GRIA2: variants seen among roughly 807,000 people sequenced by gnomAD.
The protein encoded by GRIA2 is glutamate receptor 2.
Under a neutral mutation model 97.3 loss-of-function variants are expected in GRIA2, and 14 were observed. The observed-to-expected ratio is 0.14, with a 90% CI of 0.10 to 0.23. The LOEUF (loss-of-function observed/expected upper bound fraction) is 0.23, where lower values mean the gene tolerates loss of function less well. Ranked by LOEUF, GRIA2 falls within the 10% of genes least tolerant of loss-of-function variation. The pLI, the probability that GRIA2 is intolerant of heterozygous loss-of-function variation, is 1.00. For missense variants in GRIA2, 558 were observed against 1,069.8 expected, an observed-to-expected ratio of 0.52 and a Z score of 6.67; for synonymous variants, 412 against 387.8, an observed-to-expected ratio of 1.06 and a Z score of -0.73.
chr4:157,359,835 T>C (rs1736557260), intron 12 of GRIA2, 61 bp from the exon 13 acceptor site: 1 of 1,484,620 alleles, frequency 6.7e-7, no homozygotes, highest in African/African-American at 1.4e-5. Context: ...CTTTTTGTGT[T>C]TTGTGAGTAA....
rs547279889 is a variant in GRIA2 at position 157,323,315 on chromosome 4, A to C, written c.882+1716A>C. On this transcript the variant is annotated intron_variant, in intron 6 of 15. Coordinates refer to ENST00000264426, the MANE Select transcript of GRIA2 (RefSeq NM_001083619.3). ...GCGCCACTGCACACTCCAGCCTGGGAGACAGAGCGAGACTCTGTCTCAAAA... is the reference window on the plus strand; with the variant it reads ...GCGCCACTGCACACTCCAGCCTGGGCGACAGAGCGAGACTCTGTCTCAAAA... Among the ~76,000 whole-genome samples the C allele has an allele frequency of 3.3e-5, 4 of 122,680 alleles. No individual in the cohort carries two copies. The South Asian group carries it at 9.6e-4, about 29-fold the overall frequency. 80.5% of individuals were successfully genotyped at this position (122,680 alleles called of 152,430 possible). A position where few individuals can be genotyped will look rare whatever the true frequency, so the allele number is the denominator to read the frequency against.
intron 13 of GRIA2, chr4:157,360,640 T>G: frequency 4.4e-6 from 2 of 459,176 alleles, no homozygotes; most frequent in South Asian, 3.3e-5. Flanking sequence ...TTTGAATTTC[T>G]TTGCACACAT....
At chr4:157,300,394 G>A (rs1049691014) in intron 2 of GRIA2, among the ~76,000 whole-genome samples, 1 of 151,996 alleles carries the variant, frequency 6.6e-6, no homozygotes, top group Non-Finnish European at 1.5e-5. Context: ...TACCACAAAC[G>A]GGGCAAGCAA....
At position 157,363,460 on chromosome 4, in the gene GRIA2, A is replaced by G. The variant is rs1038717849; in HGVS notation, c.*29A>G. 14 of 1,242,976 alleles carry G rather than the reference A, an allele frequency of 1.1e-5. No homozygotes were observed. The Admixed American group carries it at 3.9e-4, about 35-fold the overall frequency. The allele number at this position is 1,242,976 out of a possible 1,614,324, so 77.0% of individuals were successfully genotyped here. A position where few individuals can be genotyped will look rare whatever the true frequency, so the allele number is the denominator to read the frequency against. On this transcript the variant is annotated 3_prime_UTR_variant, in exon 16 of 16. Transcript: ENST00000264426. ...ATGACCTTGAATGATGCCATGAGGA[A>G]CAAGGCAAGGCTGTCAATTACAGGA... is the stretch of plus-strand genomic sequence containing the variant.
intron 5 of GRIA2, 149 bp from the exon 6 acceptor site, chr4:157,321,289 T>C (rs1734553392): frequency 1.7e-6 from 1 of 593,704 alleles, no homozygotes; most frequent in East Asian, 2.9e-5. Context: ...CACTGGCTGA[T>C]AAATACATGG....
intron 2 of GRIA2, among the ~76,000 whole-genome samples, chr4:157,292,680 A>G (rs1211810662): frequency 6.6e-6 from 1 of 152,126 alleles, no homozygotes; most frequent in East Asian, 1.9e-4. Flanking sequence ...CTAGGAATAG[A>G]TGATTAATAG....
intron 2 of GRIA2, among the ~76,000 whole-genome samples, chr4:157,280,838 A>G (rs1732559685): frequency 6.6e-6 from 1 of 151,970 alleles, no homozygotes; most frequent in South Asian, 2.1e-4. Flanking sequence ...AAATAACAGG[A>G]GTCATGATTT....
At chr4:157,315,852 A>G (rs956595656) in intron 4 of GRIA2, among the ~76,000 whole-genome samples, 1 of 152,148 alleles carries the variant, frequency 6.6e-6, no homozygotes, top group Non-Finnish European at 1.5e-5. Flanking sequence ...CATTTTATAA[A>G]ACTTTGACAG....
intron 2 of GRIA2, among the ~76,000 whole-genome samples, chr4:157,241,344 T>C (rs1730502146): frequency 6.6e-6 from 1 of 152,140 alleles, no homozygotes; most frequent in East Asian, 1.9e-4. Context: ...TTCAGGATTT[T>C]ATCATTAGTC....
rs1194131753 is a variant in GRIA2 at position 157,363,464 on chromosome 4, G to A, written c.*33G>A. On this transcript the variant is annotated 3_prime_UTR_variant, in exon 16 of 16. Coordinates refer to ENST00000264426, the MANE Select transcript of GRIA2 (RefSeq NM_001083619.3). ...CCTTGAATGATGCCATGAGGAACAA[G>A]GCAAGGCTGTCAATTACAGGAAGTA... 10 of 1,241,248 alleles carry A rather than the reference G, an allele frequency of 8.1e-6. No individual in the cohort carries two copies. The highest frequency in any genetic ancestry group is 7.9e-5 in the Admixed American group (2 of 25,334). The allele number at this position is 1,241,248 out of a possible 1,614,324, so 76.9% of individuals were successfully genotyped here.
intron 2 of GRIA2, among the ~76,000 whole-genome samples, chr4:157,273,601 A>T (rs1732137195): frequency 6.6e-6 from 1 of 152,096 alleles, no homozygotes; most frequent in South Asian, 2.1e-4. Flanking sequence ...AATACCTTGA[A>T]AGGCTTGTTA....
intron 2 of GRIA2, among the ~76,000 whole-genome samples, chr4:157,266,172 G>A (rs1731759313): frequency 6.6e-6 from 1 of 152,188 alleles, no homozygotes; most frequent in Non-Finnish European, 1.5e-5. Context: ...AACTTAAGAG[G>A]CTCATAAAAC....
chr4:157,307,834 G>C (rs1733909012), intron 3 of GRIA2, among the ~76,000 whole-genome samples: 2 of 152,192 alleles, frequency 1.3e-5, no homozygotes, highest in South Asian at 4.1e-4. Flanking sequence ...TTTGCCTGCA[G>C]TTCCAAGAAA....
chr4:157,363,262 C>T, intron 15 of GRIA2, 173 bp from the exon 16 acceptor site: 1 of 606,708 alleles, frequency 1.6e-6, no homozygotes, highest in Non-Finnish European at 2.7e-6. Flanking sequence ...CAGATTCCTG[C>T]CATAATTGTG....
At chr4:157,362,230 T>C (rs145450596) in intron 14 of GRIA2, among the ~76,000 whole-genome samples, 11 of 152,108 alleles carry the variant, frequency 7.2e-5, no homozygotes, top group African/African-American at 2.7e-4. Flanking sequence ...AGAGTGAGAA[T>C]GTACTGGAAC....
At chr4:157,278,636 T>G (rs1732456363) in intron 2 of GRIA2, among the ~76,000 whole-genome samples, 1 of 151,988 alleles carries the variant, frequency 6.6e-6, no homozygotes, top group East Asian at 1.9e-4. Context: ...TTCATTAAAA[T>G]TATCTTCTGC....
chr4:157,269,647 A>G lies in GRIA2; in HGVS notation c.230-33905A>G, dbSNP rs1579319110. Among the ~76,000 whole-genome samples the G allele has an allele frequency of 2.0e-5, 3 of 152,196 alleles. 1 individual carries two copies. The South Asian group carries it at 6.2e-4, about 31-fold the overall frequency. On this transcript the variant is annotated intron_variant, in intron 2 of 15. Transcript: ENST00000264426. ...TGATATCTTTTCTTTTCTTAATAGT[A>G]GATTATACAAGCCTAGGTGTTTCAT... is the stretch of plus-strand genomic sequence containing the variant.
chr4:157,362,921 G>T lies in GRIA2; in HGVS notation c.2529G>T (p.Ala843=), dbSNP rs148321113. ...TCTGTTACAAGTCAAGGGCCGAGGC[G>T]AAACGAATGAAGGTGGCAAAGAATG... ...IEFCYKSRAE[A]KRMKVAKNAQ... is the part of the protein sequence containing the mutation. The change falls in exon 15 of 16, where the codon GCG becomes GCT. Residue 843 remains alanine (A), a synonymous_variant. Coordinates refer to ENST00000264426, the MANE Select transcript of GRIA2 (RefSeq NM_001083619.3). The T allele has an allele frequency of 1.9e-6, 3 of 1,613,572 alleles. No homozygotes were observed. Among genetic ancestry groups the T allele is most frequent in the Non-Finnish European group, 2.5e-6 (3 of 1,179,662 alleles).
chr4:157,226,524 C>T (rs534301254), intron 2 of GRIA2, among the ~76,000 whole-genome samples: 78 of 152,026 alleles, frequency 5.1e-4, no homozygotes, highest in African/African-American at 1.8e-3. Context: ...TTTTTAATCT[C>T]GATTCCCCAG....
Sources: allele counts gnomAD v4.1 joint callset (sites outside exome capture counted in the v4.1 genomes callset), GRCh38; gene constraint gnomAD v4.1.1; transcripts MANE v1.5; gene names NCBI Gene and HGNC (gene_info 2026-07-23, HGNC 2026-07-21).